Variants in LIX1L observed in about 807,000 individuals in gnomAD.
LIX1L encodes the protein LIX1-like protein.
Under a neutral mutation model 34.0 loss-of-function variants are expected in LIX1L, and 20 were observed. That is an observed-to-expected ratio of 0.59 (90% CI 0.41 to 0.85). LIX1L has a LOEUF of 0.85. Among genes scored for constraint, LIX1L ranks in the 40% least tolerant of loss-of-function variants. LIX1L has a pLI of 0.00. For missense variants in LIX1L, 397 were observed against 447.0 expected, an observed-to-expected ratio of 0.89 and a Z score of 1.01; for synonymous variants, 170 against 187.4, an observed-to-expected ratio of 0.91 and a Z score of 0.76.
chr1:145,940,553 T>C (rs1254818372), intron 3 of LIX1L, among the ~76,000 whole-genome samples: 2 of 140,940 alleles, frequency 1.4e-5, no homozygotes, highest in African/African-American at 5.4e-5. Flanking sequence ...TTTCTTTCTT[T>C]TTTTTTTTTT....
In LIX1L at chr1:145,934,001, T is replaced by G. The variant is rs1362517283; in HGVS notation, c.*2309A>C. 2 of 152,234 alleles carry G rather than the reference T, an allele frequency of 1.3e-5. No individual in the cohort carries two copies. The highest frequency in any genetic ancestry group is 4.8e-5 in the African/African-American group (2 of 41,460). 9.4% of individuals were successfully genotyped at this position (152,234 alleles called of 1,614,324 possible). A position where few individuals can be genotyped will look rare whatever the true frequency, so the allele number is the denominator to read the frequency against. The stretch of plus-strand genomic sequence containing the variant: ...TCTATTTTTATTGTTGTTGTTACAC[T>G]TGAACTTTCTGTTTGGAACCTAATC... On this transcript the variant is annotated 3_prime_UTR_variant, in exon 6 of 6. Coordinates refer to ENST00000604000, the MANE Select transcript of LIX1L (RefSeq NM_153713.3).
chr1:145,947,583 C>T lies in LIX1L; in HGVS notation c.456+36G>A. 1.9e-6 allele frequency: 3 copies of T among 1,609,606 alleles called. No homozygotes were observed. The South Asian group carries it at 3.3e-5, about 18-fold the overall frequency. The stretch of plus-strand genomic sequence containing the variant: ...GAGAAAGCCGTTACTAACATCTAAG[C>T]ATTTACCTTTGCTACTGCCACCTCA... On this transcript the variant is annotated intron_variant, in intron 2 of 5. Coordinates refer to ENST00000604000, the MANE Select transcript of LIX1L (RefSeq NM_153713.3).
chr1:145,945,300 CAA>C (rs1176595454), intron 2 of LIX1L, among the ~76,000 whole-genome samples: 5 of 121,818 alleles, frequency 4.1e-5, no homozygotes, highest in African/African-American at 6.3e-5. Flanking sequence ...GACTCTGTCT[CAA>C]AAAAAAAAAA....
At chr1:145,958,017 CA>C, upstream of LIX1L, 1 of 903,856 alleles carries the variant, frequency 1.1e-6, no homozygotes, top group Non-Finnish European at 1.5e-6. Context: ...CCTGGGGACT[CA>C]GGGCGGTGCC....
intron 4 of LIX1L, 113 bp from the exon 5 acceptor site, chr1:145,937,098 C>T (rs587719885): frequency 6.7e-4 from 399 of 595,392 alleles, no homozygotes; most frequent in Middle Eastern, 1.9e-3. Flanking sequence ...TCTCTCATCA[C>T]TAACTCTGAT....
intron 2 of LIX1L, among the ~76,000 whole-genome samples, chr1:145,946,618 G>A (rs782590344): frequency 2.6e-5 from 4 of 152,162 alleles, no homozygotes; most frequent in Admixed American, 1.3e-4. Flanking sequence ...TGCAACAGAC[G>A]TATTATTTGC....
chr1:145,955,095 A>T (rs1338750465), intron 1 of LIX1L, among the ~76,000 whole-genome samples: 1 of 152,226 alleles, frequency 6.6e-6, no homozygotes, highest in South Asian at 2.1e-4. Flanking sequence ...TGATCAATAA[A>T]TATTTGGTAA....
chr1:145,950,392 T>C (rs1455530886), intron 1 of LIX1L: 1 of 152,272 alleles, frequency 6.6e-6, no homozygotes, highest in Non-Finnish European at 1.5e-5. Flanking sequence ...GTTGTTTTTT[T>C]TCTAAACAGA....
chr1:145,947,976 T>G (rs1649171705), intron 1 of LIX1L, among the ~76,000 whole-genome samples, 194 bp from the exon 2 acceptor site: 1 of 152,138 alleles, frequency 6.6e-6, no homozygotes, highest in Admixed American at 6.5e-5. Flanking sequence ...AAGACCAGAG[T>G]AGGCCTGCCC....
intron 3 of LIX1L, among the ~76,000 whole-genome samples, chr1:145,939,250 G>A (rs183435586): frequency 1.9e-4 from 29 of 151,762 alleles, no homozygotes; most frequent in Middle Eastern, 3.4e-3. Context: ...AGGTGTCCTC[G>A]AGAGATCCTA....
intron 4 of LIX1L, 143 bp from the exon 5 acceptor site, chr1:145,937,128 ATATTTATT>A (rs111555787): frequency 0.03 from 5,871 of 195,018 alleles, 296 homozygotes; most frequent in African/African-American, 0.11. Flanking sequence ...GGGAAGAAAA[ATATTTATT>A]TATTTATTTA....
chr1:145,936,154 C>A lies in LIX1L; in HGVS notation c.*156G>T. 1.2e-6 allele frequency: 1 copy of A among 844,122 alleles called. No homozygotes were observed. The highest frequency in any genetic ancestry group is 2.0e-5 in the South Asian group (1 of 50,050). The allele number at this position is 844,122 out of a possible 1,614,324, so 52.3% of individuals were successfully genotyped here. Reference sequence around the variant, plus strand: ...AAAAACTGGTAGTAAGAAAAGGGATCTCTTAGCAAATAGGAATCTAGGTGT... The same window carrying A: ...AAAAACTGGTAGTAAGAAAAGGGATATCTTAGCAAATAGGAATCTAGGTGT... On this transcript the variant is annotated 3_prime_UTR_variant, in exon 6 of 6. Transcript: ENST00000604000.
chr1:145,940,550 CTTTT>C (rs60579602), intron 3 of LIX1L, among the ~76,000 whole-genome samples: 4 of 118,890 alleles, frequency 3.4e-5, no homozygotes, highest in Admixed American at 8.5e-5. Flanking sequence ...CCTTTTCTTT[CTTTT>C]TTTTTTTTTT....
chr1:145,949,729 C>G (rs1649224257), intron 1 of LIX1L, among the ~76,000 whole-genome samples: 2 of 151,760 alleles, frequency 1.3e-5, no homozygotes, highest in Non-Finnish European at 2.9e-5. Flanking sequence ...TCTAGGGTTC[C>G]AAACATTTCA....
chr1:145,947,495 T>A (rs781860924), intron 2 of LIX1L, 124 bp downstream of exon 2: 36 of 999,748 alleles, frequency 3.6e-5, no homozygotes, highest in Non-Finnish European at 4.6e-5. Flanking sequence ...CAGAATAATT[T>A]CCCCAGAATT....
Position 145,936,263 on chromosome 1 carries a change from CAT to C in LIX1L, c.*45_*46del. ...ATCATCCTAAATCTTAGAAAGGAGACATAAAAAAAGGCTGTGGAAAGCCTGGG... is the reference window on the plus strand; with the variant it reads ...ATCATCCTAAATCTTAGAAAGGAGACAAAAAAAGGCTGTGGAAAGCCTGGG... On this transcript the variant is annotated 3_prime_UTR_variant, in exon 6 of 6. Coordinates refer to ENST00000604000, the MANE Select transcript of LIX1L (RefSeq NM_153713.3). The C allele has an allele frequency of 1.9e-6, 3 of 1,588,740 alleles. No homozygotes were observed. Among genetic ancestry groups the C allele is most frequent in the South Asian group, 1.1e-5 (1 of 87,500 alleles).
intron 1 of LIX1L, among the ~76,000 whole-genome samples, chr1:145,952,951 G>A (rs1030742362): frequency 2.0e-5 from 3 of 151,442 alleles, no homozygotes; most frequent in East Asian, 1.9e-4. Flanking sequence ...TCGCTCTATC[G>A]CTGAAGCTAG....
chr1:145,957,493 G>T, intron 1 of LIX1L, 143 bp downstream of exon 1: 1 of 1,195,580 alleles, frequency 8.4e-7, no homozygotes, highest in Non-Finnish European at 1.1e-6. Context: ...GTGTGCGTCT[G>T]TGCGTGTGCG....
At position 145,947,644 on chromosome 1, in the gene LIX1L, C is replaced by T. The variant is rs1553759386; in HGVS notation, c.431G>A (p.Gly144Glu). The T allele has an allele frequency of 6.2e-7, 1 of 1,613,954 alleles. No homozygotes were observed. Among genetic ancestry groups the T allele is most frequent in the African/African-American group, 1.3e-5 (1 of 74,908 alleles). ...CTGGAAACTCCCAAAGCAGCTTCCC[C>T]CAGGCAGGGTGACATAGCAGACATA... ...PPYVCYVTLP[G>E]GSCFGSFQFC... Residue 144 changes from glycine (G) to glutamate (E), a missense_variant, in exon 2 of 6, where the codon GGG (glycine) becomes GAG (glutamate). Around this residue, in one of 3 missense-constraint regions of LIX1L, gnomAD observed 207 missense variants for 205.2 expected, o/e 1.01. Transcript: ENST00000604000.
Sources: allele counts gnomAD v4.1 joint callset (sites outside exome capture counted in the v4.1 genomes callset), GRCh38; gene constraint gnomAD v4.1.1; regional missense constraint gnomAD v4.1.1; transcripts MANE v1.5; gene names NCBI Gene and HGNC (gene_info 2026-07-23, HGNC 2026-07-21).